Variants in ZNF316 observed in about 807,000 individuals in gnomAD.
The protein encoded by ZNF316 is zinc finger protein 316.
Under a neutral mutation model 75.6 loss-of-function variants are expected in ZNF316, and 23 were observed. The observed-to-expected ratio is 0.30, with a 90% CI of 0.22 to 0.43. The LOEUF is 0.43. Among genes scored for constraint, ZNF316 ranks in the 20% least tolerant of loss-of-function variants. The probability of loss-of-function intolerance (pLI) is 1.00; values close to 1 mark genes in which losing one functional copy is unlikely to be tolerated. For synonymous variants in ZNF316, 827 were observed against 666.2 expected (o/e 1.24, Z -3.72); for missense variants, 1,266 against 1,409.4 (o/e 0.90, Z 1.63).
Position 6,642,564 on chromosome 7 carries a change from T to TGGTGGA in ZNF316, c.158_163dup (p.Val53_Glu54dup). Reference sequence around the variant, plus strand: ...GTGGAAGAAGAGGAGGAGGAGATAGTGGTGGAGGAGGAGGAGGAGGGTGTG... The same window carrying TGGTGGA: ...GTGGAAGAAGAGGAGGAGGAGATAGTGGTGGAGGTGGAGGAGGAGGAGGAGGGTGTG... On this transcript the variant is annotated inframe_insertion, in exon 5 of 9. Transcript: ENST00000382252. This position sits in a 1 kb window ranked among gnomAD's most constrained non-coding sequence, Gnocchi z 8.1. The TGGTGGA allele has an allele frequency of 8.2e-7, 1 of 1,213,826 alleles. No individual in the cohort carries two copies. Among genetic ancestry groups the TGGTGGA allele is most frequent in the Non-Finnish European group, 1.0e-6 (1 of 972,070 alleles). The allele number at this position is 1,213,826 out of a possible 1,614,324, so 75.2% of individuals were successfully genotyped here. A position where few individuals can be genotyped will look rare whatever the true frequency, so the allele number is the denominator to read the frequency against.
Position 6,654,436 on chromosome 7 carries a change from G to A in ZNF316, c.2840G>A (p.Gly947Asp). The A allele has an allele frequency of 8.3e-7, 1 of 1,206,262 alleles. No individual in the cohort carries two copies. The highest frequency in any genetic ancestry group is 3.4e-5 in the East Asian group (1 of 29,142). The allele number at this position is 1,206,262 out of a possible 1,614,324, so 74.7% of individuals were successfully genotyped here. ...HRGATAAPGS[G>D]SAPAPAPKPE... ...GGAGCCACCGCAGCGCCGGGCTCGG[G>A]TTCGGCCCCAGCCCCCGCGCCCAAG... Residue 947 changes from glycine (G) to aspartate (D), a missense_variant, in exon 9 of 9, where the codon GGT becomes GAT. Gly to Asp is a moderately conservative substitution (Grantham distance 94). This residue lies in a region of ZNF316 where 111 missense variants were observed against 99.2 expected (regional missense o/e 1.12). Coordinates refer to ENST00000382252, the MANE Select transcript of ZNF316 (RefSeq NM_001278559.2).
In ZNF316 at chr7:6,640,439, G is replaced by C. The variant is rs1417685670; in HGVS notation, c.-167+1298G>C. On this transcript the variant is annotated intron_variant, in intron 3 of 8. Coordinates refer to ENST00000382252, the MANE Select transcript of ZNF316 (RefSeq NM_001278559.2). This position sits in a 1 kb window ranked among gnomAD's most constrained non-coding sequence, Gnocchi z 5.1. ...GGCGAAAACAGGAACAAGCAAGAGA[G>C]AGTGAGTGGGGAGGCGCCACACACT... is the stretch of plus-strand genomic sequence containing the variant. 6.6e-6 allele frequency among the ~76,000 whole-genome samples: 1 copy of C among 152,122 alleles called. No homozygotes were observed. Among genetic ancestry groups the C allele is most frequent in the Non-Finnish European group, 1.5e-5 (1 of 68,014 alleles).
At chr7:6,644,731 G>A in intron 8 of ZNF316, 138 bp downstream of exon 8, 1 of 422,222 alleles carries the variant, frequency 2.4e-6, no homozygotes. Context: ...CCTGGCTCCT[G>A]GTGGTTCAAG....
Position 6,653,318 on chromosome 7 carries a change from G to A in ZNF316, c.1722G>A (p.Pro574=). 3 of 1,226,712 alleles carry A rather than the reference G, an allele frequency of 2.4e-6. No individual in the cohort carries two copies. The highest frequency in any genetic ancestry group is 3.0e-6 in the Non-Finnish European group (3 of 985,314). 76.0% of individuals were successfully genotyped at this position (1,226,712 alleles called of 1,614,324 possible). A position where few individuals can be genotyped will look rare whatever the true frequency, so the allele number is the denominator to read the frequency against. ...CCAGCGGCAAGGTGGACCCCGCGCC[G>A]GAACGGCGCTTCCTGGAGCTGGGCA... is the stretch of plus-strand genomic sequence containing the variant. ...PTPSGKVDPA[P]ERRFLELGNG... is the part of the protein sequence containing the mutation. Residue 574 remains proline (P), a synonymous_variant, in exon 9 of 9, where the codon CCG becomes CCA. Transcript: ENST00000382252.
Position 6,652,772 on chromosome 7 carries a change from G to T in ZNF316, c.1176G>T (p.Gln392His). The T allele has an allele frequency of 7.9e-7, 1 of 1,272,766 alleles. No individual in the cohort carries two copies. The highest frequency in any genetic ancestry group is 9.9e-7 in the Non-Finnish European group (1 of 1,008,962). The allele number at this position is 1,272,766 out of a possible 1,614,324, so 78.8% of individuals were successfully genotyped here. The change falls in exon 9 of 9, where the codon CAG becomes CAT. Residue 392 changes from glutamine (Q) to histidine (H), a missense_variant. Coordinates refer to ENST00000382252, the MANE Select transcript of ZNF316 (RefSeq NM_001278559.2). ...FVYRSHLAIH[Q>H]RTHTGEKPFP... ...ACCGCTCGCACTTGGCCATCCACCA[G>T]CGCACGCACACCGGCGAGAAGCCCT...
In ZNF316 at chr7:6,643,086, C is replaced by T; in HGVS notation, c.465+13C>T. 2.4e-6 allele frequency: 3 copies of T among 1,234,028 alleles called. No homozygotes were observed. The highest frequency in any genetic ancestry group is 3.0e-6 in the Non-Finnish European group (3 of 989,146). The allele number at this position is 1,234,028 out of a possible 1,614,324, so 76.4% of individuals were successfully genotyped here. ...GGCTGGGTGTCAGGTGAGCCGCCCT[C>T]TCCGTTTGGGGCTTGGGTAACCTGG... On this transcript the variant is annotated intron_variant, in intron 6 of 8. Transcript: ENST00000382252.
rs1411893057 is a variant in ZNF316, at chr7:6,644,577, C to T, written c.690C>T (p.Val230=). 1 of 1,232,076 alleles carries T rather than the reference C, an allele frequency of 8.1e-7. No individual in the cohort carries two copies. The highest frequency in any genetic ancestry group is 1.0e-6 in the Non-Finnish European group (1 of 987,750). The allele number at this position is 1,232,076 out of a possible 1,614,324, so 76.3% of individuals were successfully genotyped here. A position where few individuals can be genotyped will look rare whatever the true frequency, so the allele number is the denominator to read the frequency against. Residue 230 remains valine, a synonymous_variant, in exon 8 of 9, where the codon GTC becomes GTT. Transcript: ENST00000382252. ...DSPRPEEGDI[V]TGVYTGAWFW... ...CCCGACCTGAGGAAGGAGACATCGT[C>T]ACTGGCGTCTACACAGGTGAGCGTG...
intron 3 of ZNF316, among the ~76,000 whole-genome samples, chr7:6,641,470 G>A (rs975871930): frequency 2.0e-5 from 3 of 152,226 alleles, no homozygotes; most frequent in African/African-American, 2.4e-5. Context: ...GCTAGTGAAG[G>A]ACACGCAGTG....
chr7:6,645,993 C>CAAAAA (rs58670070), intron 8 of ZNF316, among the ~76,000 whole-genome samples: 14 of 98,946 alleles, frequency 1.4e-4, no homozygotes, highest in Non-Finnish European at 2.2e-4. Flanking sequence ...GACGCCATCT[C>CAAAAA]AAAAAAAAAA....
chr7:6,638,227 G>T (rs983328402), intron 2 of ZNF316, among the ~76,000 whole-genome samples: 2 of 152,142 alleles, frequency 1.3e-5, no homozygotes, highest in Admixed American at 1.3e-4. Flanking sequence ...GGGTGGGGTG[G>T]TGAGGGGGCT....
chr7:6,652,260 G>A (rs900259899), intron 8 of ZNF316, 43 bp from the exon 9 acceptor site: 15 of 1,232,066 alleles, frequency 1.2e-5, no homozygotes, highest in Middle Eastern at 3.1e-4. Context: ...CTCCTGTCAA[G>A]TTCACTTACC....
chr7:6,649,202 C>T (rs944610147), intron 8 of ZNF316, among the ~76,000 whole-genome samples: 20 of 152,196 alleles, frequency 1.3e-4, no homozygotes, highest in Non-Finnish European at 2.6e-4. Flanking sequence ...CCCTTGTGGT[C>T]CCTCTTCCGG....
chr7:6,649,931 G>A (rs1779477584), intron 8 of ZNF316, among the ~76,000 whole-genome samples: 1 of 152,234 alleles, frequency 6.6e-6, no homozygotes, highest in African/African-American at 2.4e-5. Context: ...GATGGGAGGA[G>A]CCTCCCAGCT....
At chr7:6,644,108 G>T (rs1244606252) in intron 7 of ZNF316, among the ~76,000 whole-genome samples, 160 bp downstream of exon 7, 1 of 152,168 alleles carries the variant, frequency 6.6e-6, no homozygotes, top group African/African-American at 2.4e-5. Flanking sequence ...CATGGCCCCT[G>T]GGTGGGGCGG....
rs1185342157 is a variant in ZNF316 at position 6,655,264 on chromosome 7, G to A, written c.*653G>A. ...CCTGAAGAATCTAGGAGGAGAAAAAGCCAGATACCAAACTTACGGCCAGGC... is the reference window on the plus strand; with the variant it reads ...CCTGAAGAATCTAGGAGGAGAAAAAACCAGATACCAAACTTACGGCCAGGC... On this transcript the variant is annotated 3_prime_UTR_variant, in exon 9 of 9. Coordinates refer to ENST00000382252, the MANE Select transcript of ZNF316 (RefSeq NM_001278559.2). The A allele has an allele frequency of 2.0e-5, 3 of 151,976 alleles. No individual in the cohort carries two copies. The highest frequency in any genetic ancestry group is 6.3e-3 in the Middle Eastern group (2 of 316). 9.4% of individuals were successfully genotyped at this position (151,976 alleles called of 1,614,324 possible).
chr7:6,646,062 G>A (rs1779397623), intron 8 of ZNF316, among the ~76,000 whole-genome samples: 1 of 151,666 alleles, frequency 6.6e-6, no homozygotes, highest in South Asian at 2.1e-4. Context: ...AGCATGGGGG[G>A]AAACGGCCCC....
rs754621694 is a variant in ZNF316 at position 6,652,527 on chromosome 7, T to C, written c.931T>C (p.Ser311Pro). Residue 311 changes from serine to proline, a missense_variant, in exon 9 of 9, where the codon TCT becomes CCT. Transcript: ENST00000382252. ...CGGCCTGGGGGTCCTGGCCGACGGC[T>C]CTGAAGCGAAGCCTTTCCTGCCCGG... ...PGGLGVLADG[S>P]EAKPFLPGRE... 8.1e-7 allele frequency: 1 copy of C among 1,231,150 alleles called. No individual in the cohort carries two copies. The highest frequency in any genetic ancestry group is 1.0e-6 in the Non-Finnish European group (1 of 987,550). 76.3% of individuals were successfully genotyped at this position (1,231,150 alleles called of 1,614,324 possible). A position where few individuals can be genotyped will look rare whatever the true frequency, so the allele number is the denominator to read the frequency against.
chr7:6,652,857 C>T lies in ZNF316; in HGVS notation c.1261C>T (p.Arg421Cys). ...CAAGTCGCACCTGGTTACGCACCGACGCATCCATACTGGCGAGCGGCCCTA... is the reference window on the plus strand; with the variant it reads ...CAAGTCGCACCTGGTTACGCACCGATGCATCCATACTGGCGAGCGGCCCTA... ...VYKSHLVTHR[R>C]IHTGERPYRC... Residue 421 changes from arginine to cysteine, a missense_variant, in exon 9 of 9, where the codon CGC (arginine) becomes TGC (cysteine). Arg to Cys is a radical substitution (Grantham distance 180, BLOSUM62 -3). This residue lies in a region of ZNF316 where 961 missense variants were observed against 990.9 expected (regional missense o/e 0.97). Coordinates refer to ENST00000382252, the MANE Select transcript of ZNF316 (RefSeq NM_001278559.2). The T allele has an allele frequency of 8.0e-7, 1 of 1,246,020 alleles. No individual in the cohort carries two copies. The highest frequency in any genetic ancestry group is 1.0e-6 in the Non-Finnish European group (1 of 994,564). The allele number at this position is 1,246,020 out of a possible 1,614,324, so 77.2% of individuals were successfully genotyped here. A position where few individuals can be genotyped will look rare whatever the true frequency, so the allele number is the denominator to read the frequency against.
Position 6,653,473 on chromosome 7 carries a change from C to T in ZNF316, c.1877C>T (p.Pro626Leu), listed in dbSNP as rs1583447525. ...LGLPDFRERL[P>L]VDGRPLPAPL... is the part of the protein sequence containing the mutation. ...CTACCCGACTTCCGAGAGCGGCTGC[C>T]GGTCGACGGGCGCCCGCTCCCGGCG... is the stretch of plus-strand genomic sequence containing the variant. Residue 626 changes from proline (P) to leucine (L), a missense_variant, in exon 9 of 9, where the codon CCG (proline) becomes CTG (leucine). Coordinates refer to ENST00000382252, the MANE Select transcript of ZNF316 (RefSeq NM_001278559.2). 6 of 1,226,388 alleles carry T rather than the reference C, an allele frequency of 4.9e-6. No individual in the cohort carries two copies. The highest frequency in any genetic ancestry group is 3.1e-4 in the Middle Eastern group (1 of 3,186). The allele number at this position is 1,226,388 out of a possible 1,614,324, so 76.0% of individuals were successfully genotyped here. A position where few individuals can be genotyped will look rare whatever the true frequency, so the allele number is the denominator to read the frequency against.
Sources: gnomAD v4.1 joint callset for allele counts (sites outside exome capture counted in the v4.1 genomes callset) on GRCh38, gnomAD v4.1.1 for gene constraint, gnomAD v4.1.1 regional missense constraint, Gnocchi (gnomAD v3.1) non-coding constraint, MANE v1.5 for transcripts, NCBI Gene and HGNC (gene_info 2026-07-23, HGNC 2026-07-21) for gene names.